The following TMC8 variants were observed in gnomAD, a reference collection of about 807,000 sequenced individuals.
TMC8 encodes the protein transmembrane channel-like protein 8.
In TMC8, 71 loss-of-function variants were observed where a neutral mutation model predicts 76.0. The observed-to-expected ratio is 0.93, with a 90% CI of 0.77 to 1.14. The LOEUF (loss-of-function observed/expected upper bound fraction) is 1.14. TMC8 is among the 50% of genes most tolerant of loss of function. The probability of loss-of-function intolerance (pLI) is 0.00; values close to 1 mark genes in which losing one functional copy is unlikely to be tolerated. For missense variants in TMC8, 924 were observed against 947.9 expected, an observed-to-expected ratio of 0.97 and a Z score of 0.33; for synonymous variants, 433 against 433.8, an observed-to-expected ratio of 1.00 and a Z score of 0.02.
At chr17:78,132,296 A>T in intron 3 of TMC8, 63 bp from the exon 4 acceptor site, 1 of 1,590,266 alleles carries the variant, frequency 6.3e-7, no homozygotes, top group Non-Finnish European at 8.6e-7. Context: ...CCGCCCTTGG[A>T]CTCTCAGCGC....
intron 15 of TMC8, among the ~76,000 whole-genome samples, chr17:78,140,000 C>G (rs890832043): frequency 6.6e-5 from 10 of 151,884 alleles, no homozygotes; most frequent in African/African-American, 2.4e-4. Context: ...TGAGACCGCC[C>G]CATTGCACTC....
intron 15 of TMC8, 89 bp from the exon 16 acceptor site, chr17:78,140,745 A>T: frequency 2.0e-6 from 3 of 1,528,980 alleles, no homozygotes; most frequent in Non-Finnish European, 2.7e-6. Context: ...GGGCTGGCCC[A>T]TGGGCCGCAG....
intron 4 of TMC8, 105 bp downstream of exon 4, chr17:78,132,613 C>A: frequency 2.6e-6 from 4 of 1,517,666 alleles, no homozygotes; most frequent in Non-Finnish European, 3.6e-6. Context: ...GTGGTCCTGC[C>A]GTGCAGGCCC....
intron 1 of TMC8, 71 bp from the exon 2 acceptor site, chr17:78,131,210 G>C: frequency 2.7e-6 from 1 of 373,210 alleles, no homozygotes; most frequent in South Asian, 2.3e-5. Flanking sequence ...GGGTGCAGCA[G>C]GTCTTGGCTT....
chr17:78,138,703 C>T lies in TMC8; in HGVS notation c.1794C>T (p.Ala598=), dbSNP rs2075299098. ...QRALHYLGSH[A]FSFPLLIMLS... is the part of the protein sequence containing the mutation. Reference sequence around the variant, plus strand: ...CCCTCCACTACCTGGGCTCCCACGCCTTCAGCTTCCCCCTCCTCATCATGC... The same window carrying T: ...CCCTCCACTACCTGGGCTCCCACGCTTTCAGCTTCCCCCTCCTCATCATGC... The change falls in exon 14 of 16, where the codon GCC becomes GCT. Residue 598 remains alanine (A), a synonymous_variant. Transcript: ENST00000318430. 3 of 1,611,388 alleles carry T rather than the reference C, an allele frequency of 1.9e-6. No homozygotes were observed. Among genetic ancestry groups the T allele is most frequent in the Non-Finnish European group, 1.7e-6 (2 of 1,180,014 alleles).
In TMC8 at chr17:78,136,960, G is replaced by A. The variant is rs73999644; in HGVS notation, c.1128-275G>A. The A allele has an allele frequency of 4.6e-3, 1,905 of 417,082 alleles. 27 individuals are homozygous for A. Among genetic ancestry groups the A allele is most frequent in the African/African-American group, 0.035 (1,736 of 49,088 alleles). 25.8% of individuals were successfully genotyped at this position (417,082 alleles called of 1,614,324 possible). A position where few individuals can be genotyped will look rare whatever the true frequency, so the allele number is the denominator to read the frequency against. On this transcript the variant is annotated intron_variant, in intron 9 of 15. Coordinates refer to ENST00000318430, the MANE Select transcript of TMC8 (RefSeq NM_152468.5). ...CAGGAGGCAGAGGTGGCAGTGAGCC[G>A]AGGTCACAACACTGAACTCCTGCCT...
chr17:78,135,154 C>G (rs1188866393), intron 9 of TMC8, 145 bp downstream of exon 9: 1 of 1,066,962 alleles, frequency 9.4e-7, no homozygotes, highest in Non-Finnish European at 1.4e-6. Context: ...AGGTACACAC[C>G]TCACAGCACA....
rs118166247 is a variant in TMC8 at position 78,142,077 on chromosome 17, G to C, written c.*965G>C. 0.038 allele frequency: 5,874 copies of C among 152,688 alleles called. 154 individuals carry two copies. The highest frequency in any genetic ancestry group is 0.061 in the Non-Finnish European group (4,158 of 68,312). The allele number at this position is 152,688 out of a possible 1,614,324, so 9.5% of individuals were successfully genotyped here. A position where few individuals can be genotyped will look rare whatever the true frequency, so the allele number is the denominator to read the frequency against. On this transcript the variant is annotated 3_prime_UTR_variant, in exon 16 of 16. Coordinates refer to ENST00000318430, the MANE Select transcript of TMC8 (RefSeq NM_152468.5). ...CGGCCCCCCTCCCAAGGCTGTGTCT[G>C]ATATTCTTGAGCCTGTTCGAGTTTC...
At chr17:78,134,679 A>T in intron 8 of TMC8, 115 bp downstream of exon 8, 1 of 1,518,428 alleles carries the variant, frequency 6.6e-7, no homozygotes, top group Non-Finnish European at 9.0e-7. Context: ...GGTCGTGGCC[A>T]CAGGTCACGG....
At position 78,134,103 on chromosome 17, in the gene TMC8, G is replaced by A. The variant is rs542166814; in HGVS notation, c.816+103G>A. On this transcript the variant is annotated intron_variant, in intron 7 of 15. Coordinates refer to ENST00000318430, the MANE Select transcript of TMC8 (RefSeq NM_152468.5). ...GGTGTGTGCGAGCAAGTGCGACCGT[G>A]CCAGTGTGTGTGAGCGTGTGTGGGA... The A allele has an allele frequency of 9.1e-6, 14 of 1,539,564 alleles. No individual in the cohort carries two copies. In the East Asian group the frequency reaches 2.9e-4, roughly 32 times the overall value.
intron 3 of TMC8, 122 bp downstream of exon 3, chr17:78,132,152 TC>T (rs537947456): frequency 4.8e-6 from 7 of 1,450,166 alleles, no homozygotes; most frequent in South Asian, 1.2e-5. Context: ...AATCGGCCCC[TC>T]CCCCCTCCCA....
At chr17:78,131,761 C>G (rs914259858) in intron 2 of TMC8, 24 bp downstream of exon 2, 17 of 1,566,154 alleles carry the variant, frequency 1.1e-5, no homozygotes, top group Admixed American at 1.9e-5. Flanking sequence ...GGGCGCCAGA[C>G]GGTGCGTGGG....
chr17:78,140,625 G>A (rs557305637), intron 15 of TMC8, among the ~76,000 whole-genome samples: 1 of 151,192 alleles, frequency 6.6e-6, no homozygotes, highest in South Asian at 2.1e-4. Context: ...TGAGGGCGTG[G>A]TCTAGGGCTG....
At chr17:78,132,908 G>C (rs2075068315) in intron 5 of TMC8, 38 bp downstream of exon 5, 3 of 1,609,084 alleles carry the variant, frequency 1.9e-6, no homozygotes, top group Non-Finnish European at 2.6e-6. Flanking sequence ...CCAGAGTCTG[G>C]GAGACCCAGG....
At position 78,131,690 on chromosome 17, in the gene TMC8, G is replaced by T; in HGVS notation, c.102G>T (p.Thr34=). The T allele has an allele frequency of 6.3e-7, 1 of 1,577,708 alleles. No homozygotes were observed. The highest frequency in any genetic ancestry group is 2.3e-5 in the East Asian group (1 of 43,202). The change falls in exon 2 of 16, where the codon ACG becomes ACT. Residue 34 remains threonine (T), a synonymous_variant. Transcript: ENST00000318430. ...TGGAGCGGCTGCGCGGCTCTGGGAC[G>T]CCCGTGCGCGGGCTGCCCTATGCCA... is the stretch of plus-strand genomic sequence containing the variant. ...AEMERLRGSG[T]PVRGLPYAMM...
Position 78,140,841 on chromosome 17 carries a change from A to G in TMC8, c.1910A>G (p.Gln637Arg), listed in dbSNP as rs774362429. 6.2e-7 allele frequency: 1 copy of G among 1,608,228 alleles called. No individual in the cohort carries two copies. Among genetic ancestry groups the G allele is most frequent in the Non-Finnish European group, 8.5e-7 (1 of 1,178,182 alleles). Residue 637 changes from glutamine to arginine, a missense_variant, in exon 16 of 16, where the codon CAG becomes CGG. Transcript: ENST00000318430. ...RLRKQLVWQV[Q>R]EKWHLVEDLS... is the part of the protein sequence containing the mutation. The stretch of plus-strand genomic sequence containing the variant: ...CACTTGTTCTCCTCACAGCAGGTTC[A>G]GGAGAAGTGGCACCTGGTGGAGGAC...
rs1280462793 is a variant in TMC8, at chr17:78,135,219, C to T, written c.1127+210C>T. Among the ~76,000 whole-genome samples the T allele has an allele frequency of 7.9e-5, 12 of 152,176 alleles. No homozygotes were observed. In the South Asian group the frequency reaches 1.7e-3, roughly 21 times the overall value. On this transcript the variant is annotated intron_variant, in intron 9 of 15. Transcript: ENST00000318430. ...CCAATCCCCCACCTCCAAAGGAAGC[C>T]GCCAGTCTGGACCAAGCTCCGGCCA...
At chr17:78,136,412 G>A (rs886115742) in intron 9 of TMC8, among the ~76,000 whole-genome samples, 2 of 152,158 alleles carry the variant, frequency 1.3e-5, no homozygotes, top group East Asian at 1.9e-4. Context: ...CAAGGCTACA[G>A]GGAGCTGTGA....
chr17:78,133,490 C>G lies in TMC8; in HGVS notation c.616C>G (p.Leu206Val), dbSNP rs759778569. The G allele has an allele frequency of 6.2e-7, 1 of 1,613,662 alleles. No individual in the cohort carries two copies. Among genetic ancestry groups the G allele is most frequent in the Admixed American group, 1.7e-5 (1 of 60,032 alleles). The change falls in exon 6 of 16, where the codon CTC becomes GTC. Residue 206 changes from leucine to valine, a missense_variant. By Grantham distance (32) the Leu-to-Val change is conservative. Transcript: ENST00000318430. ...CGTGTACAGCATCCGCCTGGCCTAC[C>G]TCCTCAGCCCGCTGGCCTGCCTGCT... Reference protein sequence around the residue: ...SSVYSIRLAYLLSPLACLLLC... With the variant: ...SSVYSIRLAYVLSPLACLLLC...
Sources: allele counts gnomAD v4.1 joint callset (sites outside exome capture counted in the v4.1 genomes callset), GRCh38; gene constraint gnomAD v4.1.1; transcripts MANE v1.5; gene names NCBI Gene and HGNC (gene_info 2026-07-23, HGNC 2026-07-21).